KHDRBS2: variants seen among roughly 807,000 people sequenced by gnomAD.
KHDRBS2 encodes the protein KH domain-containing, RNA-binding, signal transduction-associated protein 2.
A neutral mutation model predicts 44.3 loss-of-function variants in KHDRBS2; 26 were observed. That is an observed-to-expected ratio of 0.59 (90% CI 0.43 to 0.81). The LOEUF is 0.81. Among genes scored for constraint, KHDRBS2 ranks in the 40% least tolerant of loss-of-function variants. KHDRBS2 has a pLI of 0.00. For missense variants in KHDRBS2, 476 were observed against 433.1 expected, an observed-to-expected ratio of 1.10 and a Z score of -0.88; for synonymous variants, 194 against 151.1, an observed-to-expected ratio of 1.28 and a Z score of -2.08.
At chr6:61,553,660 T>C in the KHDRBS2 span, among the ~76,000 whole-genome samples, 1 of 152,260 alleles carries the variant, frequency 6.6e-6, no homozygotes, top group East Asian at 1.9e-4. Context: ...AATTTCCCTC[T>C]TGTCACCTTA....
At chr6:61,575,387 G>A in the KHDRBS2 span, among the ~76,000 whole-genome samples, 1 of 151,996 alleles carries the variant, frequency 6.6e-6, no homozygotes, top group East Asian at 1.9e-4. Context: ...TAATTATCAG[G>A]GAAATGCAAA....
chr6:62,178,863 A>G (rs1294370082), intron 1 of KHDRBS2, among the ~76,000 whole-genome samples: 1 of 151,524 alleles, frequency 6.6e-6, no homozygotes, highest in Non-Finnish European at 1.5e-5. Context: ...AAAACATTAT[A>G]CTTTTGTTAT....
chr6:61,566,703 C>CTT, the KHDRBS2 span, among the ~76,000 whole-genome samples: 89,647 of 151,696 alleles, frequency 0.59, 26,681 homozygotes, highest in Non-Finnish European at 0.61. Flanking sequence ...GTTTCCATAA[C>CTT]TTTAAAAAAC....
At chr6:61,591,907 C>T in the KHDRBS2 span, among the ~76,000 whole-genome samples, 1 of 152,068 alleles carries the variant, frequency 6.6e-6, no homozygotes, top group Admixed American at 6.5e-5. Flanking sequence ...AGAAAAGGGG[C>T]CAGGTGTGGT....
chr6:61,621,955 T>G, the KHDRBS2 span, among the ~76,000 whole-genome samples: 1 of 152,188 alleles, frequency 6.6e-6, no homozygotes. Context: ...GTAAGAAGCT[T>G]CGACCTCAGT....
intron 2 of KHDRBS2, among the ~76,000 whole-genome samples, chr6:62,063,389 T>C (rs1256544688): frequency 6.6e-6 from 1 of 151,476 alleles, no homozygotes; most frequent in East Asian, 1.9e-4. Context: ...AATAAAATAC[T>C]GGCAAACCGA....
chr6:62,101,899 C>T (rs1349660954), intron 2 of KHDRBS2, among the ~76,000 whole-genome samples: 2 of 152,140 alleles, frequency 1.3e-5, no homozygotes, highest in African/African-American at 4.8e-5. Context: ...ATTATATTAA[C>T]ATAACATGGT....
At chr6:62,252,577 C>T (rs1394130941) in intron 1 of KHDRBS2, among the ~76,000 whole-genome samples, 2 of 151,874 alleles carry the variant, frequency 1.3e-5, no homozygotes, top group African/African-American at 4.8e-5. Flanking sequence ...AATCATAATG[C>T]CTACTAGCCT....
intron 6 of KHDRBS2, among the ~76,000 whole-genome samples, chr6:61,879,486 A>G (rs1419190806): frequency 6.6e-6 from 1 of 151,886 alleles, no homozygotes; most frequent in Non-Finnish European, 1.5e-5. Context: ...TATCTATCTA[A>G]TTATTAGACC....
chr6:61,868,608 T>G (rs1040083198), intron 6 of KHDRBS2, among the ~76,000 whole-genome samples: 2 of 152,126 alleles, frequency 1.3e-5, no homozygotes, highest in African/African-American at 4.8e-5. Flanking sequence ...GTAAAGCAGC[T>G]GCACTTTGCT....
chr6:62,184,180 T>G (rs1822953456), intron 1 of KHDRBS2, among the ~76,000 whole-genome samples: 1 of 151,750 alleles, frequency 6.6e-6, no homozygotes, highest in South Asian at 2.1e-4. Flanking sequence ...GTATACTATA[T>G]TATAATAAGC....
At chr6:61,885,220 G>A (rs990210758) in intron 6 of KHDRBS2, among the ~76,000 whole-genome samples, 19 of 151,740 alleles carry the variant, frequency 1.3e-4, no homozygotes, top group Non-Finnish European at 2.5e-4. Flanking sequence ...CAAAATTAAG[G>A]ATTTTTCTGT....
the KHDRBS2 span, among the ~76,000 whole-genome samples, chr6:61,585,543 G>T: frequency 1.3e-5 from 2 of 152,066 alleles, no homozygotes; most frequent in Admixed American, 6.6e-5. Context: ...AATACGATTT[G>T]CAAGATCTTT....
At chr6:61,898,775 T>C (rs1028104070) in intron 5 of KHDRBS2, among the ~76,000 whole-genome samples, 1 of 151,924 alleles carries the variant, frequency 6.6e-6, no homozygotes, top group African/African-American at 2.4e-5. Context: ...TATTAAAAAA[T>C]GCACAAGGTC....
chr6:61,775,544 T>G (rs1781811582), intron 6 of KHDRBS2, among the ~76,000 whole-genome samples: 1 of 152,104 alleles, frequency 6.6e-6, no homozygotes, highest in Admixed American at 6.6e-5. Flanking sequence ...CATTCACAAT[T>G]GCTTCAAAGA....
intron 2 of KHDRBS2, among the ~76,000 whole-genome samples, chr6:62,123,551 C>T (rs1192286969): frequency 1.3e-5 from 2 of 152,132 alleles, no homozygotes; most frequent in Admixed American, 6.5e-5. Flanking sequence ...TTTAATCCTG[C>T]CTACTGTTTT....
chr6:62,161,004 T>A (rs1381378241), intron 2 of KHDRBS2, among the ~76,000 whole-genome samples: 1 of 152,022 alleles, frequency 6.6e-6, no homozygotes, highest in Non-Finnish European at 1.5e-5. Flanking sequence ...ACCCTGGAGG[T>A]TACCATTCTA....
chr6:61,907,772 G>T (rs769783474), intron 4 of KHDRBS2, among the ~76,000 whole-genome samples: 3 of 151,986 alleles, frequency 2.0e-5, no homozygotes, highest in Non-Finnish European at 4.4e-5. Flanking sequence ...CTTTTTTCCA[G>T]TCCTTGCTTA....
At chr6:61,983,241 T>TTC in intron 3 of KHDRBS2, among the ~76,000 whole-genome samples, 24 of 138,124 alleles carry the variant, frequency 1.7e-4, no homozygotes, top group African/African-American at 6.3e-4. Flanking sequence ...TCTTTCTTTT[T>TTC]TTTTTTTTTT....
Sources: allele counts gnomAD v4.1 joint callset (sites outside exome capture counted in the v4.1 genomes callset), GRCh38; gene constraint gnomAD v4.1.1; transcripts MANE v1.5; gene names NCBI Gene and HGNC (gene_info 2026-07-23, HGNC 2026-07-21).